Variants in TP63 observed in about 807,000 individuals in gnomAD.
TP63 encodes tumor protein 63.
TP63 carries 17 observed loss-of-function variants against 82.8 expected under a neutral mutation model. The observed-to-expected ratio is 0.21, with a 90% CI of 0.14 to 0.31. The LOEUF (loss-of-function observed/expected upper bound fraction) is 0.31, where lower values mean the gene tolerates loss of function less well. Ranked by LOEUF, TP63 falls within the 10% of genes least tolerant of loss-of-function variation. The pLI is 1.00. For missense variants in TP63, 648 were observed against 895.3 expected (o/e 0.72, Z 3.52); for synonymous variants, 330 against 321.7 (o/e 1.03, Z -0.28).
intron 12 of TP63, 36 bp from the exon 13 acceptor site, chr3:189,890,751 TTC>T: frequency 1.9e-6 from 3 of 1,599,222 alleles, no homozygotes; most frequent in Non-Finnish European, 8.6e-7. Flanking sequence ...AACTTTCTTT[TTC>T]TGTTTCCTCC....
chr3:189,604,603 G>A, the TP63 span, among the ~76,000 whole-genome samples: 3 of 152,122 alleles, frequency 2.0e-5, no homozygotes, highest in African/African-American at 7.2e-5. Flanking sequence ...TAAAAGTATT[G>A]TGGAACCCGA....
At chr3:189,738,509 T>C in intron 2 of TP63, 133 bp from the exon 3 acceptor site, 1 of 1,334,604 alleles carries the variant, frequency 7.5e-7, no homozygotes, top group Non-Finnish European at 1.1e-6. Context: ...GACTCAAACC[T>C]AGAGTTTCTA....
chr3:189,712,297 AAG>A (rs1718650032), intron 1 of TP63, among the ~76,000 whole-genome samples: 1 of 152,210 alleles, frequency 6.6e-6, no homozygotes, highest in African/African-American at 2.4e-5. Flanking sequence ...GGAGAGGAAT[AAG>A]AAAGTTTTCT....
intron 1 of TP63, among the ~76,000 whole-genome samples, chr3:189,706,120 G>T (rs1356301093): frequency 6.6e-6 from 1 of 151,972 alleles, no homozygotes; most frequent in African/African-American, 2.4e-5. Flanking sequence ...ATCGCCCCCT[G>T]GTTTCAGCTC....
intron 1 of TP63, among the ~76,000 whole-genome samples, chr3:189,687,730 T>C (rs539709691): frequency 2.6e-5 from 4 of 152,326 alleles, no homozygotes; most frequent in Admixed American, 2.0e-4. Flanking sequence ...TAATGTACAA[T>C]GGTAGAGGAA....
At chr3:189,643,276 C>T (rs1712082181) in intron 1 of TP63, among the ~76,000 whole-genome samples, 4 of 152,142 alleles carry the variant, frequency 2.6e-5, no homozygotes, top group Admixed American at 2.0e-4. Context: ...GCTGAGACTA[C>T]AGGCGTGAGC....
At chr3:189,881,783 A>G (rs982724405) in intron 10 of TP63, among the ~76,000 whole-genome samples, 1 of 152,220 alleles carries the variant, frequency 6.6e-6, no homozygotes, top group Non-Finnish European at 1.5e-5. Flanking sequence ...GCCAGACACC[A>G]TAGAATCATT....
intron 4 of TP63, among the ~76,000 whole-genome samples, chr3:189,857,171 A>G (rs1716397941): frequency 6.6e-6 from 1 of 152,176 alleles, no homozygotes; most frequent in Non-Finnish European, 1.5e-5. Context: ...ATATATGGAT[A>G]GACAAATAGA....
chr3:189,722,858 T>A (rs1268344163), intron 1 of TP63, among the ~76,000 whole-genome samples: 1 of 152,234 alleles, frequency 6.6e-6, no homozygotes, highest in Non-Finnish European at 1.5e-5. Flanking sequence ...AAGACTGAAA[T>A]CTTGTCTATT....
intron 1 of TP63, among the ~76,000 whole-genome samples, chr3:189,719,041 A>G (rs542557617): frequency 6.6e-5 from 10 of 152,120 alleles, no homozygotes; most frequent in African/African-American, 2.4e-4. Context: ...AAAAAGCACA[A>G]ATTTCTCGGT....
chr3:189,817,134 T>C (rs900362570), intron 4 of TP63, among the ~76,000 whole-genome samples: 1 of 152,192 alleles, frequency 6.6e-6, no homozygotes, highest in Non-Finnish European at 1.5e-5. Flanking sequence ...AGGAGTTCCT[T>C]CTTGGATTAA....
chr3:189,866,803 A>T lies in TP63; in HGVS notation c.882+6A>T. The T allele has an allele frequency of 6.2e-7, 1 of 1,613,982 alleles. No individual in the cohort carries two copies. The highest frequency in any genetic ancestry group is 8.5e-7 in the Non-Finnish European group (1 of 1,179,914). On this transcript the variant is annotated splice_donor_region_variant and intron_variant, in intron 6 of 13. Transcript: ENST00000264731. Reference sequence around the variant, plus strand: ...TACCTTATGAGCCACCCCAGGTAAAAAGCAAAAAACCAAACCAAAAAACAA... The same window carrying T: ...TACCTTATGAGCCACCCCAGGTAAATAGCAAAAAACCAAACCAAAAAACAA...
intron 4 of TP63, among the ~76,000 whole-genome samples, chr3:189,818,961 C>T (rs1368137004): frequency 6.6e-6 from 1 of 152,126 alleles, no homozygotes. Context: ...TCTTTAAACA[C>T]AATTCAAGTT....
intron 1 of TP63, among the ~76,000 whole-genome samples, chr3:189,677,387 T>C (rs1043710650): frequency 8.8e-6 from 1 of 114,230 alleles, no homozygotes; most frequent in African/African-American, 4.0e-5. Flanking sequence ...TAATTATATA[T>C]AAATATGTGT....
At chr3:189,829,951 T>C (rs1421022229) in intron 4 of TP63, 1 of 356,866 alleles carries the variant, frequency 2.8e-6, no homozygotes, top group Non-Finnish European at 5.7e-6. Context: ...TGATATACAA[T>C]ATTTTCTTAA....
chr3:189,821,453 T>G (rs1440083171), intron 4 of TP63, among the ~76,000 whole-genome samples: 1 of 152,180 alleles, frequency 6.6e-6, no homozygotes, highest in East Asian at 1.9e-4. Context: ...TGTCATCTTT[T>G]GTCACTGGTC....
At chr3:189,724,731 C>G (rs575061921) in intron 1 of TP63, among the ~76,000 whole-genome samples, 1 of 152,182 alleles carries the variant, frequency 6.6e-6, no homozygotes, top group Non-Finnish European at 1.5e-5. Flanking sequence ...AAATCCCCTC[C>G]ATCTCCTCTG....
chr3:189,771,240 A>G (rs969629762), intron 3 of TP63, among the ~76,000 whole-genome samples: 2 of 144,270 alleles, frequency 1.4e-5, no homozygotes, highest in Non-Finnish European at 3.0e-5. Flanking sequence ...ATGTTATTCT[A>G]CCTGCAGGTG....
At chr3:189,695,461 T>A (rs534202479) in intron 1 of TP63, among the ~76,000 whole-genome samples, 2 of 152,332 alleles carry the variant, frequency 1.3e-5, no homozygotes, top group African/African-American at 4.8e-5. Context: ...TATCCAAGGA[T>A]CTCTGGTTTC....
Sources: gnomAD v4.1 joint callset for allele counts (sites outside exome capture counted in the v4.1 genomes callset) on GRCh38, gnomAD v4.1.1 for gene constraint, MANE v1.5 for transcripts, NCBI Gene and HGNC (gene_info 2026-07-23, HGNC 2026-07-21) for gene names.